Variants in APP observed in about 807,000 individuals in gnomAD.
APP encodes amyloid beta precursor protein.
APP carries 31 observed loss-of-function variants against 101.4 expected under a neutral mutation model. The observed-to-expected ratio is 0.31, with a 90% CI of 0.23 to 0.41. APP has a LOEUF of 0.41. APP is among the 10% of genes least tolerant of loss of function. The pLI is 1.00. For missense variants in APP, 839 were observed against 1,003.7 expected (o/e 0.84, Z 2.22); for synonymous variants, 366 against 364.4 (o/e 1.00, Z -0.05).
At chr21:26,004,637 G>T (rs972217728) in intron 6 of APP, among the ~76,000 whole-genome samples, 2 of 152,100 alleles carry the variant, frequency 1.3e-5, no homozygotes, top group African/African-American at 4.8e-5. Flanking sequence ...TTGTCTCAAA[G>T]AAAAGATTTT....
Position 25,905,021 on chromosome 21 carries a change from T to C in APP, c.1963+3A>G. 2 of 1,613,724 alleles carry C rather than the reference T, an allele frequency of 1.2e-6. No homozygotes were observed. The highest frequency in any genetic ancestry group is 8.5e-7 in the Non-Finnish European group (1 of 1,179,798). On this transcript the variant is annotated splice_donor_region_variant and intron_variant, in intron 15 of 17. Transcript: ENST00000346798. Reference sequence around the variant, plus strand: ...AGAGGCACAAGTCAAGCGGTTCTGATACCTGGTCGAGTGGTCAGTCCTCGG... The same window carrying C: ...AGAGGCACAAGTCAAGCGGTTCTGACACCTGGTCGAGTGGTCAGTCCTCGG...
chr21:26,015,202 T>A (rs1292043968), intron 6 of APP, among the ~76,000 whole-genome samples: 1 of 152,214 alleles, frequency 6.6e-6, no homozygotes, highest in African/African-American at 2.4e-5. Context: ...CCTTTAACAT[T>A]CCTCATTAGT....
intron 11 of APP, among the ~76,000 whole-genome samples, chr21:25,970,634 A>C (rs1447935797): frequency 6.6e-6 from 1 of 152,234 alleles, no homozygotes; most frequent in Non-Finnish European, 1.5e-5. Flanking sequence ...GAAAACGCTA[A>C]TATGAATATT....
At chr21:26,118,202 A>G (rs1438925758) in intron 1 of APP, among the ~76,000 whole-genome samples, 2 of 152,180 alleles carry the variant, frequency 1.3e-5, no homozygotes, top group African/African-American at 4.8e-5. Context: ...AGTCTTTGTT[A>G]TTCACTACTC....
chr21:26,129,445 G>C (rs2062748614), intron 1 of APP, among the ~76,000 whole-genome samples: 1 of 151,800 alleles, frequency 6.6e-6, no homozygotes, highest in Non-Finnish European at 1.5e-5. Context: ...TTCCAGCCTG[G>C]GTGACAGAGT....
At chr21:25,885,752 C>T (rs528700266) in intron 17 of APP, among the ~76,000 whole-genome samples, 1 of 152,262 alleles carries the variant, frequency 6.6e-6, no homozygotes, top group African/African-American at 2.4e-5. Context: ...TTGAGGAGAA[C>T]GTTTGACACT....
At chr21:26,044,880 T>G (rs1161975002) in intron 5 of APP, among the ~76,000 whole-genome samples, 1 of 152,236 alleles carries the variant, frequency 6.6e-6, no homozygotes, top group Non-Finnish European at 1.5e-5. Context: ...TATGGTATTC[T>G]CATCCACTTA....
chr21:26,003,532 A>T (rs2043385897), intron 6 of APP, among the ~76,000 whole-genome samples: 2 of 152,244 alleles, frequency 1.3e-5, no homozygotes, highest in African/African-American at 4.8e-5. Flanking sequence ...TAATGCGGTC[A>T]GGAATGGGTG....
intron 16 of APP, among the ~76,000 whole-genome samples, 178 bp from the exon 17 acceptor site, chr21:25,892,046 TAAAAAAA>T (rs10547971): frequency 2.3e-4 from 32 of 138,834 alleles, no homozygotes; most frequent in African/African-American, 8.4e-4. Flanking sequence ...ATGCTTACTT[TAAAAAAA>T]AAAAAAAAAA....
intron 3 of APP, among the ~76,000 whole-genome samples, chr21:26,082,500 TATAAA>T (rs1375620296): frequency 6.6e-6 from 1 of 152,180 alleles, no homozygotes. Flanking sequence ...ACTTTAAAAT[TATAAA>T]ATAATAGTAT....
intron 1 of APP, among the ~76,000 whole-genome samples, chr21:26,117,680 T>C (rs753863100): frequency 5.3e-5 from 8 of 152,156 alleles, no homozygotes; most frequent in Non-Finnish European, 8.8e-5. Context: ...CCCCTGTGTG[T>C]GTGTGTGCAT....
intron 5 of APP, among the ~76,000 whole-genome samples, chr21:26,024,378 A>T (rs189815770): frequency 4.6e-5 from 7 of 152,310 alleles, no homozygotes; most frequent in Non-Finnish European, 2.9e-5. Context: ...CTGGCCAACA[A>T]GGAGAAGCTC....
chr21:26,051,338 T>C (rs2045830966), intron 4 of APP, 145 bp from the exon 5 acceptor site: 1 of 882,780 alleles, frequency 1.1e-6, no homozygotes. Flanking sequence ...TTTGAGTGAA[T>C]TTACAACAGG....
At chr21:25,998,011 A>C (rs544009031) in intron 7 of APP, among the ~76,000 whole-genome samples, 1 of 152,292 alleles carries the variant, frequency 6.6e-6, no homozygotes, top group East Asian at 1.9e-4. Flanking sequence ...TCCCAGCCCA[A>C]ACTGATCAAA....
In APP at chr21:25,997,294, G is replaced by A. The variant is rs1378621111; in HGVS notation, c.1090+66C>T. ...ACCATGCAAAGAAGGTGATGATGCT[G>A]GAGTTATGTGAACCAAGCAGCATCC... is the stretch of plus-strand genomic sequence containing the variant. On this transcript the variant is annotated intron_variant, in intron 8 of 17. Transcript: ENST00000346798. 1.5e-5 allele frequency: 22 copies of A among 1,430,902 alleles called. No individual in the cohort carries two copies. In the East Asian group the frequency reaches 5.0e-4, roughly 33 times the overall value. 88.6% of individuals were successfully genotyped at this position (1,430,902 alleles called of 1,614,324 possible). A position where few individuals can be genotyped will look rare whatever the true frequency, so the allele number is the denominator to read the frequency against.
intron 2 of APP, among the ~76,000 whole-genome samples, chr21:26,093,898 G>A (rs181389612): frequency 3.0e-4 from 46 of 152,136 alleles, no homozygotes; most frequent in Non-Finnish European, 5.0e-4. Flanking sequence ...GGCGGCTCAC[G>A]AGGTCAAGAG....
At position 26,059,432 on chromosome 21, in the gene APP, C is replaced by G. The variant is rs45551033; in HGVS notation, c.356-6084G>C. 9.2e-3 allele frequency among the ~76,000 whole-genome samples: 1,398 copies of G among 152,234 alleles called. 24 individuals are homozygous for G. Among genetic ancestry groups the G allele is most frequent in the African/African-American group, 0.032 (1,315 of 41,542 alleles). On this transcript the variant is annotated intron_variant, in intron 3 of 17. Coordinates refer to ENST00000346798, the MANE Select transcript of APP (RefSeq NM_000484.4). ...TAATTACTGTAAAATGCCAAAGCCT[C>G]GGTTTCCTTGTGCTATGGGCCCAGA... is the stretch of plus-strand genomic sequence containing the variant.
chr21:26,114,292 G>T (rs1328707151), intron 1 of APP, among the ~76,000 whole-genome samples: 1 of 152,192 alleles, frequency 6.6e-6, no homozygotes, highest in East Asian at 1.9e-4. Context: ...TCTCTCCCCA[G>T]GGTAGCCAGC....
chr21:26,097,547 T>C (rs940542029), intron 2 of APP, among the ~76,000 whole-genome samples: 2 of 64,414 alleles, frequency 3.1e-5, no homozygotes, highest in African/African-American at 1.3e-4. Context: ...CCTTTCAATA[T>C]TGTTCTTCCA....
Sources: allele counts gnomAD v4.1 joint callset (sites outside exome capture counted in the v4.1 genomes callset), GRCh38; gene constraint gnomAD v4.1.1; transcripts MANE v1.5; gene names NCBI Gene and HGNC (gene_info 2026-07-23, HGNC 2026-07-21).